Variants in PHLPP1 observed in about 807,000 individuals in gnomAD.
The protein encoded by PHLPP1 is PH domain and leucine rich repeat protein phosphatase 1, also known as PH domain leucine-rich repeat-containing protein phosphatase 1.
PHLPP1 carries 42 observed loss-of-function variants against 117.2 expected under a neutral mutation model. The observed-to-expected ratio is 0.36, with a 90% CI of 0.28 to 0.46. The LOEUF (loss-of-function observed/expected upper bound fraction) is 0.46. Among genes scored for constraint, PHLPP1 ranks in the 20% least tolerant of loss-of-function variants. The pLI, the probability that PHLPP1 is intolerant of heterozygous loss-of-function variation, is 1.00. For missense variants in PHLPP1, 2,084 were observed against 2,241.9 expected (o/e 0.93, Z 1.42); for synonymous variants, 1,042 against 970.7 (o/e 1.07, Z -1.37).
chr18:62,877,460 T>C (rs890744065), intron 4 of PHLPP1, among the ~76,000 whole-genome samples: 17 of 152,244 alleles, frequency 1.1e-4, no homozygotes, highest in African/African-American at 3.6e-4. Flanking sequence ...GCAAGCCAGC[T>C]GCAGACTGCT....
At chr18:62,775,974 T>G (rs1912941931) in intron 1 of PHLPP1, among the ~76,000 whole-genome samples, 1 of 152,106 alleles carries the variant, frequency 6.6e-6, no homozygotes, top group Non-Finnish European at 1.5e-5. Flanking sequence ...AAATACAAAA[T>G]GTTGTATTAG....
intron 3 of PHLPP1, among the ~76,000 whole-genome samples, chr18:62,852,784 T>C (rs1190415657): frequency 6.6e-6 from 1 of 152,180 alleles, no homozygotes; most frequent in African/African-American, 2.4e-5. Flanking sequence ...TACTAAAGTA[T>C]AGAGGGGGCA....
At chr18:62,830,679 G>T (rs1036296115) in intron 2 of PHLPP1, among the ~76,000 whole-genome samples, 8 of 152,132 alleles carry the variant, frequency 5.3e-5, no homozygotes, top group African/African-American at 1.9e-4. Context: ...TCGGTTGGTG[G>T]AGCTGTGGGG....
At chr18:62,783,519 C>T (rs1568116207) in intron 1 of PHLPP1, among the ~76,000 whole-genome samples, 1 of 151,846 alleles carries the variant, frequency 6.6e-6, no homozygotes, top group Admixed American at 6.6e-5. Context: ...TGAGCCACCA[C>T]ACCCAGCCCA....
intron 10 of PHLPP1, among the ~76,000 whole-genome samples, chr18:62,935,128 A>G (rs1909933474): frequency 6.6e-6 from 1 of 152,214 alleles, no homozygotes; most frequent in Non-Finnish European, 1.5e-5. Context: ...ATACTTGGAA[A>G]ACCCTAGAGA....
chr18:62,972,463 C>G, intron 14 of PHLPP1, 51 bp from the exon 15 acceptor site: 1 of 1,533,086 alleles, frequency 6.5e-7, no homozygotes, highest in Non-Finnish European at 8.9e-7. Flanking sequence ...TGGGCTGGGC[C>G]TGGAGCAGGA....
chr18:62,979,423 C>G lies in PHLPP1; in HGVS notation c.5146C>G (p.Pro1716Ala). Residue 1716 changes from proline to alanine, a missense_variant, in exon 17 of 17, where the codon CCA (proline) becomes GCA (alanine). Around this residue, in one of 2 missense-constraint regions of PHLPP1, gnomAD observed 1,365 missense variants for 1,605.9 expected, o/e 0.85. Transcript: ENST00000262719. ...LDQLPDYYDTPL is the reference protein window; with the variant it reads ...LDQLPDYYDTAL Reference sequence around the variant, plus strand: ...CCAGCTGCCAGATTATTACGACACGCCACTATGACCCAGCCGAGCTGTTTA... The same window carrying G: ...CCAGCTGCCAGATTATTACGACACGGCACTATGACCCAGCCGAGCTGTTTA... 6.4e-7 allele frequency: 1 copy of G among 1,550,840 alleles called. No homozygotes were observed. The highest frequency in any genetic ancestry group is 8.7e-7 in the Non-Finnish European group (1 of 1,146,428).
chr18:62,798,039 T>G (rs1268806510), intron 1 of PHLPP1, among the ~76,000 whole-genome samples: 2 of 152,350 alleles, frequency 1.3e-5, no homozygotes, highest in Admixed American at 1.3e-4. Context: ...GCTACAGATT[T>G]TGTAAACTTG....
At chr18:62,976,661 T>A (rs1344383820) in intron 16 of PHLPP1, among the ~76,000 whole-genome samples, 7 of 152,226 alleles carry the variant, frequency 4.6e-5, no homozygotes, top group African/African-American at 1.7e-4. Context: ...TCACACAGAC[T>A]CATTTGCACA....
chr18:62,814,617 A>G (rs181263389), intron 1 of PHLPP1, among the ~76,000 whole-genome samples: 3 of 152,316 alleles, frequency 2.0e-5, no homozygotes, highest in Admixed American at 2.0e-4. Flanking sequence ...CACTCATTCG[A>G]CCATTTTCAG....
intron 1 of PHLPP1, among the ~76,000 whole-genome samples, chr18:62,774,471 G>A (rs1194420660): frequency 2.0e-5 from 3 of 152,172 alleles, no homozygotes; most frequent in East Asian, 1.9e-4. Flanking sequence ...ATGTCTAAAT[G>A]TGATGATAAC....
chr18:62,975,352 C>T (rs2144492927), intron 15 of PHLPP1, 45 bp from the exon 16 acceptor site: 1 of 1,367,354 alleles, frequency 7.3e-7, no homozygotes, highest in East Asian at 2.3e-5. Context: ...AGAACTGGCA[C>T]TGATGGGCTG....
In PHLPP1 at chr18:62,978,771, C is replaced by T; in HGVS notation, c.4494C>T (p.Pro1498=). Residue 1498 remains proline, a synonymous_variant, in exon 17 of 17, where the codon CCC becomes CCT. Coordinates refer to ENST00000262719, the MANE Select transcript of PHLPP1 (RefSeq NM_194449.4). This position sits in a 1 kb window ranked among gnomAD's most constrained non-coding sequence, Gnocchi z 7.0. ...SEVGSTASDE[P]PPGALSENSP... ...TGGGGTCAACAGCCTCCGATGAGCC[C>T]CCGCCCGGAGCCCTAAGCGAGAACA... The T allele has an allele frequency of 6.2e-7, 1 of 1,612,946 alleles. No individual in the cohort carries two copies. Among genetic ancestry groups the T allele is most frequent in the Non-Finnish European group, 8.5e-7 (1 of 1,179,652 alleles).
At chr18:62,969,882 G>A (rs917946105) in intron 14 of PHLPP1, among the ~76,000 whole-genome samples, 1 of 151,888 alleles carries the variant, frequency 6.6e-6, no homozygotes, top group African/African-American at 2.4e-5. Context: ...TCTTATAGGC[G>A]GCATATAATT....
intron 1 of PHLPP1, among the ~76,000 whole-genome samples, chr18:62,768,045 A>G (rs757058151): frequency 1.3e-5 from 2 of 152,148 alleles, no homozygotes; most frequent in Non-Finnish European, 2.9e-5. Context: ...ATCCATTAGC[A>G]CCTCTATATC....
In PHLPP1 at chr18:62,958,618, T is replaced by C. The variant is rs750226915; in HGVS notation, c.3325-11T>C. On this transcript the variant is annotated splice_polypyrimidine_tract_variant and intron_variant, in intron 12 of 16. Coordinates refer to ENST00000262719, the MANE Select transcript of PHLPP1 (RefSeq NM_194449.4). ...CCATCTCTTTCTTGTTTGCACTTGT[T>C]CTTTTTTCAGTGTGTGGACCTGAGC... is the stretch of plus-strand genomic sequence containing the variant. 4 of 1,613,802 alleles carry C rather than the reference T, an allele frequency of 2.5e-6. No individual in the cohort carries two copies. Among genetic ancestry groups the C allele is most frequent in the African/African-American group, 1.3e-5 (1 of 75,044 alleles).
intron 1 of PHLPP1, among the ~76,000 whole-genome samples, chr18:62,751,930 C>T (rs913046784): frequency 2.0e-5 from 3 of 152,120 alleles, no homozygotes; most frequent in African/African-American, 7.2e-5. Context: ...CTTCTGACAT[C>T]TATTTACAAG....
intron 14 of PHLPP1, among the ~76,000 whole-genome samples, chr18:62,966,043 G>A (rs539436441): frequency 1.3e-5 from 2 of 152,226 alleles, no homozygotes; most frequent in African/African-American, 4.8e-5. Flanking sequence ...AAAGGATTGA[G>A]ATAGAAGCCA....
intron 1 of PHLPP1, among the ~76,000 whole-genome samples, chr18:62,748,673 T>C (rs966862515): frequency 6.6e-6 from 1 of 152,230 alleles, no homozygotes; most frequent in Non-Finnish European, 1.5e-5. Context: ...ATGATAGCTT[T>C]TTTGGGTTAC....
Sources: gnomAD v4.1 joint callset for allele counts (sites outside exome capture counted in the v4.1 genomes callset) on GRCh38, gnomAD v4.1.1 for gene constraint, gnomAD v4.1.1 regional missense constraint, Gnocchi (gnomAD v3.1) non-coding constraint, MANE v1.5 for transcripts, NCBI Gene and HGNC (gene_info 2026-07-23, HGNC 2026-07-21) for gene names.